Variants in ACYP2 observed in about 807,000 individuals in gnomAD.
ACYP2 encodes the protein acylphosphatase-2.
Under a neutral mutation model 11.2 loss-of-function variants are expected in ACYP2, and 12 were observed. That is an observed-to-expected ratio of 1.08 (90% confidence interval 0.69 to 1.74). ACYP2 has a LOEUF of 1.74. ACYP2 is among the 40% of genes most tolerant of loss of function. The pLI is 0.00. For missense variants in ACYP2, 134 were observed against 101.9 expected (o/e 1.31, Z -1.35); for synonymous variants, 43 against 32.2 (o/e 1.33, Z -1.13).
chr2:54,133,020 A>G (rs1256890002), intron 4 of ACYP2, among the ~76,000 whole-genome samples: 1 of 152,206 alleles, frequency 6.6e-6, no homozygotes, highest in African/African-American at 2.4e-5. Context: ...CTGGGATTAC[A>G]GGTGTGAGCC....
At chr2:54,211,863 A>T (rs1351611049) in intron 6 of ACYP2, among the ~76,000 whole-genome samples, 2 of 152,180 alleles carry the variant, frequency 1.3e-5, no homozygotes, top group Non-Finnish European at 2.9e-5. Flanking sequence ...CAAATAGAGC[A>T]AACTTGTATG....
chr2:54,255,601 T>C (rs1687469095), intron 6 of ACYP2: 1 of 1,613,108 alleles, frequency 6.2e-7, no homozygotes, highest in East Asian at 2.2e-5. Context: ...TGCCTCCCTG[T>C]TTACCTCATC....
chr2:54,261,283 T>C (rs773105891), intron 6 of ACYP2, among the ~76,000 whole-genome samples: 1 of 151,960 alleles, frequency 6.6e-6, no homozygotes, highest in Non-Finnish European at 1.5e-5. Context: ...CCTGAAATAT[T>C]CTGGCTATAA....
intron 2 of ACYP2, among the ~76,000 whole-genome samples, chr2:53,991,538 T>C (rs1321906049): frequency 1.3e-5 from 2 of 152,006 alleles, no homozygotes; most frequent in African/African-American, 4.8e-5. Context: ...CCTGAGTAGC[T>C]GGGATTACAG....
At chr2:54,234,564 G>C (rs1174083972) in intron 6 of ACYP2, among the ~76,000 whole-genome samples, 1 of 152,222 alleles carries the variant, frequency 6.6e-6, no homozygotes, top group Non-Finnish European at 1.5e-5. Flanking sequence ...TGGAAAATTT[G>C]CTCAACTTTA....
chr2:54,015,013 C>G (rs922043070), intron 2 of ACYP2, among the ~76,000 whole-genome samples: 4 of 152,130 alleles, frequency 2.6e-5, no homozygotes, highest in African/African-American at 9.7e-5. Flanking sequence ...TAATCTTTGG[C>G]TACTCAAAGT....
chr2:54,095,382 T>G (rs1390945274), intron 4 of ACYP2, among the ~76,000 whole-genome samples: 1 of 152,246 alleles, frequency 6.6e-6, no homozygotes, highest in African/African-American at 2.4e-5. Context: ...CCTGGCCCGT[T>G]CTCAAGGAGC....
chr2:54,094,753 G>T (rs190172773), intron 4 of ACYP2, among the ~76,000 whole-genome samples: 1 of 151,492 alleles, frequency 6.6e-6, no homozygotes, highest in African/African-American at 2.4e-5. Context: ...GGCCTGACTG[G>T]TCTCAAACTT....
rs552772286 is a variant in ACYP2, at chr2:54,046,629, G to C, written c.63-4329G>C. Among the ~76,000 whole-genome samples, 8 of 152,268 alleles carry C rather than the reference G, an allele frequency of 5.3e-5. No homozygotes were observed. In the South Asian group the frequency reaches 1.7e-3, roughly 32 times the overall value. ...ATTTGTTGAATTAGGTTGAGGCATGGGGATAAGGCCACAATGGAGGAAAGT... is the reference window on the plus strand; with the variant it reads ...ATTTGTTGAATTAGGTTGAGGCATGCGGATAAGGCCACAATGGAGGAAAGT... On this transcript the variant is annotated intron_variant, in intron 2 of 6. Transcript: ENST00000607452.
At position 54,301,172 on chromosome 2, in the gene ACYP2, G is replaced by T. The variant is rs112920515; in HGVS notation, c.405-3516G>T. ...TTGTTTGGCTTTAAGACTTTCTTCT[G>T]GCCATTCAAATGTTTTGCATTTTTT... On this transcript the variant is annotated intron_variant, in intron 6 of 6. Transcript: ENST00000607452. Among the ~76,000 whole-genome samples, 250 of 152,134 alleles carry T rather than the reference G, an allele frequency of 1.6e-3. 2 individuals carry two copies. The highest frequency in any genetic ancestry group is 5.8e-3 in the African/African-American group (239 of 41,490).
intron 6 of ACYP2, among the ~76,000 whole-genome samples, chr2:54,235,338 G>A (rs1686426711): frequency 6.6e-6 from 1 of 151,548 alleles, no homozygotes; most frequent in South Asian, 2.1e-4. Context: ...AGACTCACAA[G>A]TTTTTTTTGT....
rs1325546963 is a variant in ACYP2 at position 54,050,946 on chromosome 2, C to G, written c.63-12C>G. On this transcript the variant is annotated splice_polypyrimidine_tract_variant and intron_variant, in intron 2 of 6. Coordinates refer to ENST00000607452, the MANE Select transcript of ACYP2 (RefSeq NM_001320586.2). ...TGCACCCAACTAATTAAATTTTTTT[C>G]TTTTTTTGTAGATACAAGGTCTCGC... is the stretch of plus-strand genomic sequence containing the variant. The G allele has an allele frequency of 1.2e-5, 5 of 406,622 alleles. No homozygotes were observed. The highest frequency in any genetic ancestry group is 2.2e-5 in the Non-Finnish European group (5 of 231,718). The allele number at this position is 406,622 out of a possible 1,614,324, so 25.2% of individuals were successfully genotyped here.
intron 2 of ACYP2, among the ~76,000 whole-genome samples, chr2:54,015,639 A>AC (rs1338409718): frequency 2.4e-5 from 3 of 126,376 alleles, no homozygotes; most frequent in African/African-American, 3.2e-5. Context: ...ACAGAGTGAG[A>AC]CCCCGTCACA....
intron 2 of ACYP2, among the ~76,000 whole-genome samples, chr2:54,001,266 T>A (rs1174506806): frequency 6.6e-6 from 1 of 152,068 alleles, no homozygotes; most frequent in Non-Finnish European, 1.5e-5. Flanking sequence ...GAGGCTAAGG[T>A]GGGAGGAATA....
At chr2:54,007,138 C>CAAAAAAAAAA (rs70944145) in intron 2 of ACYP2, among the ~76,000 whole-genome samples, 16 of 52,204 alleles carry the variant, frequency 3.1e-4, no homozygotes, top group African/African-American at 5.1e-4. Flanking sequence ...GACTCTGTGT[C>CAAAAAAAAAA]AAAAAAAAAA....
At chr2:54,193,704 G>C (rs1236628662) in intron 6 of ACYP2, among the ~76,000 whole-genome samples, 1 of 152,094 alleles carries the variant, frequency 6.6e-6, no homozygotes, top group African/African-American at 2.4e-5. Flanking sequence ...ATATAGGTGG[G>C]AATGTAGCCT....
In ACYP2 at chr2:54,018,510, T is replaced by TA. The variant is rs148037501; in HGVS notation, c.63-32438dup. Among the ~76,000 whole-genome samples, 365 of 148,708 alleles carry TA rather than the reference T, an allele frequency of 2.5e-3. 3 individuals are homozygous for TA. Among genetic ancestry groups the TA allele is most frequent in the Middle Eastern group, 0.01 (3 of 288 alleles). On this transcript the variant is annotated intron_variant, in intron 2 of 6. Coordinates refer to ENST00000607452, the MANE Select transcript of ACYP2 (RefSeq NM_001320586.2). Reference sequence around the variant, plus strand: ...GATGAACAGAATAAAAGGCACAGGTTAAAAAAAAAAGGGAGTGGGGAGCTA... The same window carrying TA: ...GATGAACAGAATAAAAGGCACAGGTTAAAAAAAAAAAGGGAGTGGGGAGCTA...
chr2:54,270,322 T>C (rs549247999), intron 6 of ACYP2, among the ~76,000 whole-genome samples: 33 of 152,364 alleles, frequency 2.2e-4, no homozygotes, highest in Non-Finnish European at 4.0e-4. Context: ...TTCTCCTAGT[T>C]TGCTAAAAAT....
At chr2:54,147,097 C>T (rs551727867) in intron 6 of ACYP2, among the ~76,000 whole-genome samples, 20 of 152,112 alleles carry the variant, frequency 1.3e-4, no homozygotes, top group Admixed American at 2.6e-4. Context: ...TGCCTGGCTG[C>T]TTTTTGCATT....
Sources: gnomAD v4.1 joint callset for allele counts (sites outside exome capture counted in the v4.1 genomes callset) on GRCh38, gnomAD v4.1.1 for gene constraint, MANE v1.5 for transcripts, NCBI Gene and HGNC (gene_info 2026-07-23, HGNC 2026-07-21) for gene names.